Variants in NCOA2 observed in about 807,000 individuals in gnomAD.
NCOA2 encodes class E basic helix-loop-helix protein 75.
NCOA2 carries 21 observed loss-of-function variants against 145.1 expected under a neutral mutation model. The observed-to-expected ratio is 0.14, with a 90% CI of 0.10 to 0.21. NCOA2 has a LOEUF of 0.21. Among genes scored for constraint, NCOA2 ranks in the 10% least tolerant of loss-of-function variants. The pLI, the probability that NCOA2 is intolerant of heterozygous loss-of-function variation, is 1.00. For missense variants in NCOA2, 1,472 were observed against 1,837.6 expected (o/e 0.80, Z 3.64); for synonymous variants, 619 against 637.5 (o/e 0.97, Z 0.44).
chr8:70,158,859 G>T (rs1025068429), intron 10 of NCOA2, among the ~76,000 whole-genome samples: 4 of 152,108 alleles, frequency 2.6e-5, no homozygotes. Flanking sequence ...CCCTGCATTT[G>T]TTGCTACTGG....
intron 2 of NCOA2, chr8:70,273,340 GT>G (rs887395157): frequency 2.7e-6 from 1 of 374,874 alleles, no homozygotes. Context: ...ACCAACCCTA[GT>G]CCCCCGCGCA....
At chr8:70,276,106 A>T (rs1384113685) in intron 2 of NCOA2, among the ~76,000 whole-genome samples, 2 of 152,176 alleles carry the variant, frequency 1.3e-5, no homozygotes, top group African/African-American at 2.4e-5. Flanking sequence ...TTCACAATAC[A>T]CTCAAAGAAT....
At chr8:70,193,418 A>AG (rs1336739959) in intron 4 of NCOA2, among the ~76,000 whole-genome samples, 1 of 152,272 alleles carries the variant, frequency 6.6e-6, no homozygotes, top group East Asian at 1.9e-4. Context: ...CATGGAAGTG[A>AG]GGGAAAAAAA....
chr8:70,371,560 A>G (rs533955117), intron 1 of NCOA2, among the ~76,000 whole-genome samples: 1 of 152,306 alleles, frequency 6.6e-6, no homozygotes, highest in East Asian at 1.9e-4. Flanking sequence ...CAAAGATACT[A>G]AAAAGTTTTA....
At chr8:70,297,611 G>A (rs146864015) in intron 1 of NCOA2, among the ~76,000 whole-genome samples, 13 of 152,196 alleles carry the variant, frequency 8.5e-5, no homozygotes, top group African/African-American at 3.1e-4. Flanking sequence ...AGGATTACAG[G>A]TGTGAACCAC....
At chr8:70,370,183 C>A (rs568873517) in intron 1 of NCOA2, among the ~76,000 whole-genome samples, 1 of 152,224 alleles carries the variant, frequency 6.6e-6, no homozygotes, top group Non-Finnish European at 1.5e-5. Flanking sequence ...CCGTGCCCAG[C>A]CTTTAAACTA....
chr8:70,155,854 C>G lies in NCOA2; in HGVS notation c.2394+117G>C, dbSNP rs1031950576. On this transcript the variant is annotated intron_variant, in intron 11 of 22. Coordinates refer to ENST00000452400, the MANE Select transcript of NCOA2 (RefSeq NM_006540.4). ...TTCAGCGAGATTTTCAAGATAAGAA[C>G]AACAAAGGAGAAAGCTTATTTTTAT... 17 of 803,404 alleles carry G rather than the reference C, an allele frequency of 2.1e-5. No individual in the cohort carries two copies. The Admixed American group carries it at 3.8e-4, about 18-fold the overall frequency. 49.8% of individuals were successfully genotyped at this position (803,404 alleles called of 1,614,324 possible).
chr8:70,414,501 C>T, the NCOA2 span, among the ~76,000 whole-genome samples: 1 of 152,144 alleles, frequency 6.6e-6, no homozygotes, highest in Non-Finnish European at 1.5e-5. Flanking sequence ...GAGTATTCCC[C>T]GACAGAGCAA....
intron 1 of NCOA2, among the ~76,000 whole-genome samples, chr8:70,371,069 C>T (rs1188926828): frequency 1.3e-5 from 2 of 152,054 alleles, no homozygotes; most frequent in Non-Finnish European, 2.9e-5. Flanking sequence ...GGGCGGATCA[C>T]GAGGTCAGGA....
intron 2 of NCOA2, among the ~76,000 whole-genome samples, chr8:70,278,148 T>C (rs760011047): frequency 1.6e-4 from 24 of 152,216 alleles, no homozygotes; most frequent in Non-Finnish European, 2.9e-4. Flanking sequence ...TTCATATAAA[T>C]GGAATCATAC....
chr8:70,332,700 T>C (rs888012160), intron 1 of NCOA2, among the ~76,000 whole-genome samples: 1 of 152,224 alleles, frequency 6.6e-6, no homozygotes, highest in African/African-American at 2.4e-5. Flanking sequence ...TTTTTCCATT[T>C]TAAATAATTC....
chr8:70,236,858 T>C (rs1404147223), intron 2 of NCOA2, among the ~76,000 whole-genome samples: 3 of 152,198 alleles, frequency 2.0e-5, no homozygotes, highest in African/African-American at 7.2e-5. Context: ...TTGGTGGACT[T>C]GGGTCTCCAC....
chr8:70,121,185 A>T, intron 22 of NCOA2, 117 bp downstream of exon 22: 1 of 809,566 alleles, frequency 1.2e-6, no homozygotes, highest in South Asian at 1.6e-5. Context: ...AAACCAGAAG[A>T]TATTTTACGA....
intron 2 of NCOA2, among the ~76,000 whole-genome samples, chr8:70,237,674 G>A (rs183815210): frequency 1.5e-3 from 230 of 152,212 alleles, no homozygotes; most frequent in African/African-American, 5.1e-3. Context: ...GGAGGCTGAG[G>A]TGAGAGGACT....
chr8:70,122,095 C>T (rs1346242679), intron 21 of NCOA2, among the ~76,000 whole-genome samples: 6 of 152,102 alleles, frequency 3.9e-5, no homozygotes, highest in African/African-American at 9.7e-5. Flanking sequence ...GGACTAAGAT[C>T]GTATTACACT....
chr8:70,420,759 C>T, the NCOA2 span, among the ~76,000 whole-genome samples: 4 of 152,140 alleles, frequency 2.6e-5, no homozygotes, highest in African/African-American at 9.7e-5. Flanking sequence ...ATTCTCCTGC[C>T]TCAGCCTCCC....
intron 1 of NCOA2, among the ~76,000 whole-genome samples, chr8:70,324,310 T>C (rs1346953710): frequency 2.6e-5 from 4 of 152,166 alleles, no homozygotes; most frequent in African/African-American, 4.8e-5. Context: ...CCAGAGGATA[T>C]AAAAAAGTTG....
chr8:70,278,468 C>A (rs997602959), intron 2 of NCOA2, among the ~76,000 whole-genome samples: 9 of 152,118 alleles, frequency 5.9e-5, no homozygotes, highest in Non-Finnish European at 1.2e-4. Flanking sequence ...CACAGGAGAC[C>A]AAACCAGGTC....
intron 2 of NCOA2, among the ~76,000 whole-genome samples, chr8:70,271,488 TTAA>T (rs2135296895): frequency 6.6e-6 from 1 of 152,356 alleles, no homozygotes; most frequent in African/African-American, 2.4e-5. Context: ...ATTAAATGCC[TTAA>T]TAAAGTAAGA....
Sources: allele counts gnomAD v4.1 joint callset (sites outside exome capture counted in the v4.1 genomes callset), GRCh38; gene constraint gnomAD v4.1.1; transcripts MANE v1.5; gene names NCBI Gene and HGNC (gene_info 2026-07-23, HGNC 2026-07-21).